Variants in DMD observed in about 807,000 individuals in gnomAD.
The protein encoded by DMD is dystrophin, also known as mutant dystrophin.
A neutral mutation model predicts 330.1 loss-of-function variants in DMD; 63 were observed. The observed-to-expected ratio is 0.19, with a 90% CI of 0.16 to 0.24. DMD has a LOEUF of 0.24. Among genes scored for constraint, DMD ranks in the 10% least tolerant of loss-of-function variants. The pLI is 1.00. For synonymous variants in DMD, 1,223 were observed against 959.8 expected, an observed-to-expected ratio of 1.27 and a Z score of -5.07; for missense variants, 3,344 against 2,684.1, an observed-to-expected ratio of 1.25 and a Z score of -5.43.
intron 48 of DMD, among the ~76,000 whole-genome samples, chrX:31,848,029 T>C (rs1265657522): frequency 8.9e-6 from 1 of 111,862 alleles, no homozygotes; most frequent in African/African-American, 3.2e-5. Context: ...TTTCTGAATC[T>C]GTTGTGTATA....
intron 9 of DMD, among the ~76,000 whole-genome samples, chrX:32,675,025 C>CAT (rs1569441192): frequency 9.0e-6 from 1 of 111,482 alleles, no homozygotes; most frequent in Non-Finnish European, 1.9e-5. Context: ...GTACTTATAT[C>CAT]ATCTTCAGTG....
intron 2 of DMD, among the ~76,000 whole-genome samples, chrX:32,985,986 A>G: frequency 9.0e-6 from 1 of 111,654 alleles, no homozygotes; most frequent in Non-Finnish European, 1.9e-5. Context: ...TTCCTCTAGC[A>G]AAGAATAATT....
intron 51 of DMD, among the ~76,000 whole-genome samples, chrX:31,744,568 C>A (rs2149089202): frequency 8.9e-6 from 1 of 112,398 alleles, no homozygotes; most frequent in African/African-American, 3.2e-5. Flanking sequence ...AAGACGAATT[C>A]TCTTGTCCCT....
chrX:33,222,029 A>G (rs1408052304), intron 1 of DMD, among the ~76,000 whole-genome samples: 1 of 111,883 alleles, frequency 8.9e-6, no homozygotes, highest in Admixed American at 9.6e-5. Context: ...CAGAACATGG[A>G]AGGGAAGAAA....
chrX:32,163,818 TA>T (rs1174645285), intron 44 of DMD, among the ~76,000 whole-genome samples: 1 of 111,866 alleles, frequency 8.9e-6, no homozygotes, highest in East Asian at 2.8e-4. Context: ...ATGTAAGATG[TA>T]ACCATTAGCT....
intron 44 of DMD, among the ~76,000 whole-genome samples, chrX:32,088,920 T>C (rs1415466191): frequency 9.0e-6 from 1 of 111,513 alleles, no homozygotes; most frequent in African/African-American, 3.3e-5. Context: ...TTGCCACATG[T>C]ATGTAAAGGC....
chrX:32,365,437 A>AAACATACATATTGTTG (rs935142290), intron 34 of DMD, among the ~76,000 whole-genome samples: 6 of 111,239 alleles, frequency 5.4e-5, no homozygotes, highest in Non-Finnish European at 7.5e-5. Flanking sequence ...AATATTTAAT[A>AAACATACATATTGTTG]AACATACATA....
intron 50 of DMD, among the ~76,000 whole-genome samples, chrX:31,781,775 T>C (rs891897830): frequency 9.0e-6 from 1 of 111,430 alleles, no homozygotes; most frequent in Non-Finnish European, 1.9e-5. Context: ...AGGATCAGAA[T>C]TGCTTGTCAG....
chrX:32,374,648 G>C (rs1056150582), intron 34 of DMD, among the ~76,000 whole-genome samples: 1 of 111,593 alleles, frequency 9.0e-6, no homozygotes, highest in Non-Finnish European at 1.9e-5. Context: ...TCTCTATTCT[G>C]TTCCATTGAT....
chrX:32,389,736 A>T (rs2097987774), intron 31 of DMD, 62 bp from the exon 32 acceptor site: 1 of 1,017,586 alleles, frequency 9.8e-7, no homozygotes, highest in Non-Finnish European at 1.4e-6. Flanking sequence ...AACTGGTCCT[A>T]TTTTTATTGA....
intron 2 of DMD, among the ~76,000 whole-genome samples, chrX:32,976,069 A>G (rs764902568): frequency 2.8e-4 from 31 of 111,302 alleles, no homozygotes; most frequent in African/African-American, 8.8e-4. Flanking sequence ...AAAAATACAA[A>G]AATTAGCTGG....
chrX:31,955,046 C>T (rs56157393), intron 45 of DMD, among the ~76,000 whole-genome samples: 12,177 of 106,124 alleles, frequency 0.11, 600 homozygotes, highest in African/African-American at 0.13. Context: ...TGTAGTAGCC[C>T]GTGTCTGTGG....
intron 44 of DMD, among the ~76,000 whole-genome samples, chrX:32,189,649 A>G (rs1182149935): frequency 1.8e-5 from 2 of 109,749 alleles, no homozygotes; most frequent in African/African-American, 6.6e-5. Context: ...TTCCTATATA[A>G]CCACATATTA....
chrX:32,817,351 T>A (rs925441502), intron 5 of DMD, among the ~76,000 whole-genome samples: 15 of 112,093 alleles, frequency 1.3e-4, no homozygotes, highest in Admixed American at 5.7e-4. Context: ...TTTTCATTAC[T>A]TGGTTTCCAT....
At chrX:32,449,417 C>T (rs1449893607) in intron 26 of DMD, among the ~76,000 whole-genome samples, 1 of 109,830 alleles carries the variant, frequency 9.1e-6, no homozygotes, top group Non-Finnish European at 1.9e-5. Context: ...TATGAACGAA[C>T]GCCGTTTCTT....
intron 43 of DMD, among the ~76,000 whole-genome samples, chrX:32,272,932 C>T (rs1276259597): frequency 9.0e-6 from 1 of 111,387 alleles, no homozygotes; most frequent in African/African-American, 3.3e-5. Flanking sequence ...ATTTAGGTAA[C>T]TTATATAACT....
At chrX:31,446,313 T>C (rs1415282938) in intron 59 of DMD, among the ~76,000 whole-genome samples, 1 of 112,208 alleles carries the variant, frequency 8.9e-6, no homozygotes, top group Non-Finnish European at 1.9e-5. Flanking sequence ...TTTTGGACGA[T>C]AACGAAAATG....
At chrX:32,600,530 C>T (rs999939117) in intron 12 of DMD, among the ~76,000 whole-genome samples, 1 of 103,586 alleles carries the variant, frequency 9.7e-6, no homozygotes, top group Non-Finnish European at 2.0e-5. Context: ...ACTACTCCTC[C>T]GACTTCATTG....
chrX:31,486,438 C>A (rs1258428284), intron 57 of DMD, among the ~76,000 whole-genome samples: 1 of 112,386 alleles, frequency 8.9e-6, no homozygotes, highest in Non-Finnish European at 1.9e-5. Flanking sequence ...TGTTCCAGAT[C>A]CAAAGCTGAG....
Sources: gnomAD v4.1 joint callset for allele counts (sites outside exome capture counted in the v4.1 genomes callset) on GRCh38, gnomAD v4.1.1 for gene constraint, MANE v1.5 for transcripts, NCBI Gene and HGNC (gene_info 2026-07-23, HGNC 2026-07-21) for gene names.